Variants in TGFBR2 observed in about 807,000 individuals in gnomAD.
TGFBR2 encodes transforming growth factor beta receptor 2.
In TGFBR2, 18 loss-of-function variants were observed where a neutral mutation model predicts 49.0. The observed-to-expected ratio is 0.37, with a 90% CI of 0.25 to 0.54. The LOEUF (loss-of-function observed/expected upper bound fraction) is 0.54. TGFBR2 is among the 20% of genes least tolerant of loss of function. The pLI is 0.85. For synonymous variants in TGFBR2, 282 were observed against 275.9 expected, an observed-to-expected ratio of 1.02 and a Z score of -0.22; for missense variants, 525 against 722.6, an observed-to-expected ratio of 0.73 and a Z score of 3.13.
intron 3 of TGFBR2, among the ~76,000 whole-genome samples, chr3:30,664,953 C>T (rs1699217760): frequency 6.6e-6 from 1 of 152,334 alleles, no homozygotes; most frequent in Non-Finnish European, 1.5e-5. Context: ...AATTCCTCCA[C>T]TCGGTAAAGG....
chr3:30,623,027 G>A (rs1414642394), intron 1 of TGFBR2, among the ~76,000 whole-genome samples: 1 of 151,984 alleles, frequency 6.6e-6, no homozygotes, highest in Non-Finnish European at 1.5e-5. Context: ...AGGGAAAAAT[G>A]TCTAGTCTGA....
At chr3:30,650,891 T>G (rs556357271) in intron 3 of TGFBR2, among the ~76,000 whole-genome samples, 1 of 152,298 alleles carries the variant, frequency 6.6e-6, no homozygotes, top group Non-Finnish European at 1.5e-5. Flanking sequence ...GTTCTAAAGA[T>G]TTGGATGGGG....
intron 5 of TGFBR2, 63 bp downstream of exon 5, chr3:30,674,309 G>A (rs1699395527): frequency 6.3e-7 from 1 of 1,598,068 alleles, no homozygotes. Context: ...ATCATGTGTT[G>A]CTTCGAGCAT....
chr3:30,621,257 T>A (rs985733711), intron 1 of TGFBR2, among the ~76,000 whole-genome samples: 1 of 149,078 alleles, frequency 6.7e-6, no homozygotes, highest in Middle Eastern at 3.5e-3. Flanking sequence ...GAAAAGGAGA[T>A]GAAATAAGAA....
chr3:30,647,686 T>TA (rs397818526), intron 2 of TGFBR2, among the ~76,000 whole-genome samples: 4 of 151,222 alleles, frequency 2.6e-5, no homozygotes, highest in Non-Finnish European at 4.4e-5. Context: ...TTATTATTAT[T>TA]TTTAAATTGA....
rs1223065891 is a variant in TGFBR2 at position 30,650,295 on chromosome 3, C to G, written c.289C>G (p.Leu97Val). 2 of 1,613,866 alleles carry G rather than the reference C, an allele frequency of 1.2e-6. No individual in the cohort carries two copies. The highest frequency in any genetic ancestry group is 2.7e-5 in the African/African-American group (2 of 74,880). The stretch of plus-strand genomic sequence containing the variant: ...GAGAAAGAATGACGAGAACATAACA[C>G]TAGAGACAGTTTGCCATGACCCCAA... Reference protein sequence around the residue: ...VWRKNDENITLETVCHDPKLP... With the variant: ...VWRKNDENITVETVCHDPKLP... The change falls in exon 3 of 7, where the codon CTA becomes GTA. Residue 97 changes from leucine to valine, a missense_variant. Leu to Val is a conservative substitution (Grantham distance 32). Transcript: ENST00000295754.
intron 1 of TGFBR2, among the ~76,000 whole-genome samples, chr3:30,635,291 T>C (rs1220353083): frequency 6.6e-6 from 1 of 152,182 alleles, no homozygotes; most frequent in Non-Finnish European, 1.5e-5. Flanking sequence ...TTAGATTTTG[T>C]CTCCTGTTAT....
intron 3 of TGFBR2, among the ~76,000 whole-genome samples, chr3:30,655,096 C>CG (rs1698970539): frequency 6.6e-6 from 1 of 152,092 alleles, no homozygotes; most frequent in African/African-American, 2.4e-5. Flanking sequence ...AAATACAAAG[C>CG]GGGTGGGAGG....
intron 1 of TGFBR2, among the ~76,000 whole-genome samples, chr3:30,608,465 C>T (rs1697974459): frequency 1.3e-5 from 2 of 152,052 alleles, no homozygotes; most frequent in Admixed American, 1.3e-4. Context: ...TGGAGATGAC[C>T]CATGTAGACT....
In TGFBR2 at chr3:30,673,901, T is replaced by C. The variant is rs553163486; in HGVS notation, c.1255-204T>C. Among the ~76,000 whole-genome samples the C allele has an allele frequency of 3.3e-5, 5 of 152,294 alleles. No homozygotes were observed. The East Asian group carries it at 9.6e-4, about 29-fold the overall frequency. On this transcript the variant is annotated intron_variant, in intron 4 of 6. Transcript: ENST00000295754. ...TTTGGCATGCTTTGTTTATGGTCTTTAGAGGGTTTTCAGGGAGAGAACATC... is the reference window on the plus strand; with the variant it reads ...TTTGGCATGCTTTGTTTATGGTCTTCAGAGGGTTTTCAGGGAGAGAACATC...
chr3:30,616,898 A>G (rs1442665313), intron 1 of TGFBR2, among the ~76,000 whole-genome samples: 1 of 152,184 alleles, frequency 6.6e-6, no homozygotes, highest in Non-Finnish European at 1.5e-5. Flanking sequence ...TCCTTCCTAA[A>G]TAAAAGGCTT....
In TGFBR2 at chr3:30,676,482, C is replaced by T. The variant is rs1699440282; in HGVS notation, c.1396+2236C>T. ...AAAAAAGATCTGTCTCTTCTGACACCATCCCCTGTTCTTTGTTTACTAATT... is the reference window on the plus strand; with the variant it reads ...AAAAAAGATCTGTCTCTTCTGACACTATCCCCTGTTCTTTGTTTACTAATT... On this transcript the variant is annotated intron_variant, in intron 5 of 6. Transcript: ENST00000295754. This position sits in a 1 kb window ranked among gnomAD's most constrained non-coding sequence, Gnocchi z 4.3. 6.6e-6 allele frequency among the ~76,000 whole-genome samples: 1 copy of T among 151,516 alleles called. No homozygotes were observed. Among genetic ancestry groups the T allele is most frequent in the African/African-American group, 2.4e-5 (1 of 40,852 alleles).
rs1697967762 is a variant in TGFBR2, at chr3:30,608,191, C to A, written c.94+1214C>A. Among the ~76,000 whole-genome samples, 11 of 152,180 alleles carry A rather than the reference C, an allele frequency of 7.2e-5. No individual in the cohort carries two copies. In the South Asian group the frequency reaches 2.3e-3, roughly 32 times the overall value. ...TGACCTCGTGATCCGCCCACCTTGG[C>A]CTCCCAAAGTGCTGGGATTACAGGC... On this transcript the variant is annotated intron_variant, in intron 1 of 6. Transcript: ENST00000295754.
chr3:30,611,162 T>C (rs1288056234), intron 1 of TGFBR2, among the ~76,000 whole-genome samples: 1 of 152,158 alleles, frequency 6.6e-6, no homozygotes, highest in Non-Finnish European at 1.5e-5. Context: ...TCTTATTCAG[T>C]TTTCTATCTC....
chr3:30,691,297 T>G (rs1699704839), intron 6 of TGFBR2, 123 bp from the exon 7 acceptor site: 1 of 1,077,512 alleles, frequency 9.3e-7, no homozygotes, highest in East Asian at 2.6e-5. Flanking sequence ...TCAGCACATG[T>G]TAAATGCACA....
intron 2 of TGFBR2, among the ~76,000 whole-genome samples, chr3:30,646,539 A>G (rs1332475430): frequency 6.6e-6 from 1 of 152,204 alleles, no homozygotes; most frequent in Admixed American, 6.5e-5. Flanking sequence ...TCTGAAGGGT[A>G]GAGGGAGGAT....
At chr3:30,654,804 A>G (rs1477526134) in intron 3 of TGFBR2, among the ~76,000 whole-genome samples, 4 of 152,198 alleles carry the variant, frequency 2.6e-5, no homozygotes, top group African/African-American at 9.7e-5. Context: ...AAGACATGAT[A>G]TGGTTATTGA....
intron 3 of TGFBR2, among the ~76,000 whole-genome samples, chr3:30,657,319 C>T (rs1410419516): frequency 6.6e-6 from 1 of 152,190 alleles, no homozygotes; most frequent in Non-Finnish European, 1.5e-5. Flanking sequence ...TGAGCATGTC[C>T]TTGGCAAGAG....
chr3:30,634,501 C>T (rs1237918211), intron 1 of TGFBR2, among the ~76,000 whole-genome samples: 1 of 152,154 alleles, frequency 6.6e-6, no homozygotes, highest in East Asian at 1.9e-4. Context: ...TCCCCCTTCC[C>T]TCAAGGGTTT....
Sources: allele counts gnomAD v4.1 joint callset (sites outside exome capture counted in the v4.1 genomes callset), GRCh38; gene constraint gnomAD v4.1.1; non-coding constraint Gnocchi (gnomAD v3.1); transcripts MANE v1.5; gene names NCBI Gene and HGNC (gene_info 2026-07-23, HGNC 2026-07-21).